DIAPH2: variants seen among roughly 807,000 people sequenced by gnomAD.
DIAPH2 encodes diaphanous related formin 2.
In DIAPH2, 35 loss-of-function variants were observed where a neutral mutation model predicts 92.7. The observed-to-expected ratio is 0.38, with a 90% CI of 0.29 to 0.50. DIAPH2 has a LOEUF of 0.50. Ranked by LOEUF, DIAPH2 falls within the 20% of genes least tolerant of loss-of-function variation. The pLI is 0.94. For missense variants in DIAPH2, 701 were observed against 819.5 expected (o/e 0.86, Z 1.77); for synonymous variants, 301 against 280.4 (o/e 1.07, Z -0.73).
intron 22 of DIAPH2, among the ~76,000 whole-genome samples, chrX:97,232,999 T>C (rs1444551759): frequency 1.8e-5 from 2 of 112,432 alleles, no homozygotes; most frequent in Non-Finnish European, 3.8e-5. Context: ...TTCTTCCTAC[T>C]AACTCTTCAG....
chrX:96,905,597 G>A (rs1210481698), intron 5 of DIAPH2, among the ~76,000 whole-genome samples: 1 of 111,430 alleles, frequency 9.0e-6, no homozygotes, highest in Non-Finnish European at 1.9e-5. Flanking sequence ...CTTTGATCAT[G>A]CTGATCAGTA....
rs1434445108 is a variant in DIAPH2, at chrX:96,962,348, TATAC to T, written c.1936-2743_1936-2740del. 8.4e-3 allele frequency among the ~76,000 whole-genome samples: 575 copies of T among 68,353 alleles called. 48 individuals carry two copies. The highest frequency in any genetic ancestry group is 0.03 in the African/African-American group (454 of 15,179). The allele number at this position is 68,353 out of a possible 115,157, so 59.4% of individuals were successfully genotyped here. A position where few individuals can be genotyped will look rare whatever the true frequency, so the allele number is the denominator to read the frequency against. ...ACACATATATATATACATATATATATATACACATATATATATACACATATATATA... is the reference window on the plus strand; with the variant it reads ...ACACATATATATATACATATATATATACATATATATATACACATATATATA... On this transcript the variant is annotated intron_variant, in intron 16 of 26. Transcript: ENST00000324765.
intron 17 of DIAPH2, among the ~76,000 whole-genome samples, chrX:96,966,239 A>G (rs2065893233): frequency 8.9e-6 from 1 of 111,819 alleles, no homozygotes; most frequent in South Asian, 3.7e-4. Flanking sequence ...AGTTACTACT[A>G]TTAGGCCTAC....
chrX:97,090,334 T>TTTTTTG (rs1242933185), intron 19 of DIAPH2, among the ~76,000 whole-genome samples: 4 of 65,237 alleles, frequency 6.1e-5, no homozygotes, highest in African/African-American at 2.0e-4. Flanking sequence ...TTTTTTTTTT[T>TTTTTTG]GAGAAAGAGC....
intron 17 of DIAPH2, among the ~76,000 whole-genome samples, chrX:97,012,271 A>G (rs1413516142): frequency 8.9e-6 from 1 of 112,151 alleles, no homozygotes; most frequent in African/African-American, 3.2e-5. Flanking sequence ...CATTTATTGG[A>G]AGGTTACTCT....
chrX:97,437,789 C>CAT (rs2070203601), intron 26 of DIAPH2, among the ~76,000 whole-genome samples: 1 of 110,157 alleles, frequency 9.1e-6, no homozygotes, highest in Non-Finnish European at 1.9e-5. Context: ...CACACACACA[C>CAT]ACACACGTAA....
chrX:96,892,611 T>C (rs1408002002), intron 5 of DIAPH2, among the ~76,000 whole-genome samples: 1 of 111,796 alleles, frequency 8.9e-6, no homozygotes, highest in African/African-American at 3.2e-5. Flanking sequence ...CTTCGGCACA[T>C]GCAATGATAT....
At chrX:96,740,980 C>T (rs967375247) in intron 3 of DIAPH2, among the ~76,000 whole-genome samples, 2 of 110,666 alleles carry the variant, frequency 1.8e-5, no homozygotes, top group Admixed American at 9.7e-5. Flanking sequence ...GCTTAATTTA[C>T]GAGTAAATTG....
At chrX:97,456,378 C>CTT (rs1216307760) in intron 26 of DIAPH2, among the ~76,000 whole-genome samples, 1 of 108,087 alleles carries the variant, frequency 9.3e-6, no homozygotes, top group Non-Finnish European at 1.9e-5. Flanking sequence ...CAGAGCAAGA[C>CTT]TCCGTCTCAG....
At chrX:97,135,676 G>A (rs543774975) in intron 21 of DIAPH2, among the ~76,000 whole-genome samples, 1 of 111,315 alleles carries the variant, frequency 9.0e-6, no homozygotes, top group African/African-American at 3.3e-5. Flanking sequence ...CTTTGTTCTG[G>A]CACCAACACC....
chrX:97,321,384 AT>A (rs1202877300), intron 23 of DIAPH2, among the ~76,000 whole-genome samples: 1 of 110,187 alleles, frequency 9.1e-6, no homozygotes, highest in Non-Finnish European at 1.9e-5. Context: ...TCATAATGTT[AT>A]TTTCCCTAAT....
rs779951943 is a variant in DIAPH2 at position 96,967,450 on chromosome X, G to A, written c.2050+2243G>A. Among the ~76,000 whole-genome samples the A allele has an allele frequency of 4.7e-5, 5 of 106,679 alleles. No homozygotes were observed. In the South Asian group the frequency reaches 2.1e-3, roughly 45 times the overall value. The allele number at this position is 106,679 out of a possible 115,157, so 92.6% of individuals were successfully genotyped here. On this transcript the variant is annotated intron_variant, in intron 17 of 26. Coordinates refer to ENST00000324765, the MANE Select transcript of DIAPH2 (RefSeq NM_006729.5). Reference sequence around the variant, plus strand: ...TTTATTCATTTTGAGACAGAGTTTCGGTCTTGTTGCCCAGGCTGGAGTGCA... The same window carrying A: ...TTTATTCATTTTGAGACAGAGTTTCAGTCTTGTTGCCCAGGCTGGAGTGCA...
chrX:96,780,538 G>A (rs1569393426), intron 4 of DIAPH2, among the ~76,000 whole-genome samples: 1 of 111,152 alleles, frequency 9.0e-6, no homozygotes, highest in East Asian at 2.8e-4. Flanking sequence ...CTGGAGTGCA[G>A]TGGCACGATC....
At chrX:97,022,931 C>A (rs2066307769) in intron 17 of DIAPH2, among the ~76,000 whole-genome samples, 1 of 111,132 alleles carries the variant, frequency 9.0e-6, no homozygotes, top group African/African-American at 3.3e-5. Flanking sequence ...CGTCTGTAGT[C>A]CTAGCTACTT....
chrX:96,877,893 G>C (rs1334593513), intron 4 of DIAPH2, among the ~76,000 whole-genome samples: 2 of 112,189 alleles, frequency 1.8e-5, no homozygotes, highest in Non-Finnish European at 3.8e-5. Context: ...AATTAGGAAA[G>C]CTCTTTGTTC....
intron 22 of DIAPH2, among the ~76,000 whole-genome samples, chrX:97,199,636 C>G (rs1330179452): frequency 9.0e-6 from 1 of 111,702 alleles, no homozygotes; most frequent in Non-Finnish European, 1.9e-5. Flanking sequence ...CATATACCAA[C>G]TGCTGTTTTC....
chrX:96,834,288 G>A (rs2064873937), intron 4 of DIAPH2, among the ~76,000 whole-genome samples: 2 of 111,468 alleles, frequency 1.8e-5, no homozygotes, highest in African/African-American at 6.5e-5. Context: ...AAATATTCCA[G>A]AATCCAAAAA....
chrX:97,058,252 AATAG>A (rs748780494), intron 17 of DIAPH2, among the ~76,000 whole-genome samples: 1 of 111,656 alleles, frequency 9.0e-6, no homozygotes, highest in East Asian at 2.8e-4. Context: ...GCCTTCTTGT[AATAG>A]ATAAACTTAC....
At chrX:96,832,168 G>A (rs781229296) in intron 4 of DIAPH2, among the ~76,000 whole-genome samples, 11 of 111,820 alleles carry the variant, frequency 9.8e-5, no homozygotes, top group Non-Finnish European at 1.9e-4. Context: ...TTATAAAAAT[G>A]TATGGAACAA....
Sources: allele counts gnomAD v4.1 joint callset (sites outside exome capture counted in the v4.1 genomes callset), GRCh38; gene constraint gnomAD v4.1.1; transcripts MANE v1.5; gene names NCBI Gene and HGNC (gene_info 2026-07-23, HGNC 2026-07-21).